The following SYNCRIP variants were observed in gnomAD, a reference collection of about 807,000 sequenced individuals.
SYNCRIP encodes the protein synaptotagmin binding cytoplasmic RNA interacting protein, also known as heterogeneous nuclear ribonucleoprotein Q.
A neutral mutation model predicts 68.9 loss-of-function variants in SYNCRIP; 9 were observed. The observed-to-expected ratio is 0.13, with a 90% CI of 0.08 to 0.23. The LOEUF (loss-of-function observed/expected upper bound fraction) is 0.23. Ranked by LOEUF, SYNCRIP falls within the 10% of genes least tolerant of loss-of-function variation. SYNCRIP has a pLI of 1.00. For missense variants in SYNCRIP, 414 were observed against 770.6 expected (o/e 0.54, Z 5.48); for synonymous variants, 258 against 254.0 (o/e 1.02, Z -0.15).
intron 7 of SYNCRIP, 49 bp downstream of exon 7, chr6:85,623,928 A>T: frequency 6.3e-7 from 1 of 1,598,174 alleles, no homozygotes; most frequent in East Asian, 2.2e-5. Flanking sequence ...ATATGCTATT[A>T]ATCTTCATTA....
In SYNCRIP at chr6:85,632,760, A is replaced by C. The variant is rs567822241; in HGVS notation, c.666+4207T>G. The stretch of plus-strand genomic sequence containing the variant: ...AGTTCAAGACTAGCCTGGACAACAT[A>C]GTGAGACACCACCTCTACAAGTTTA... On this transcript the variant is annotated intron_variant, in intron 6 of 10. Transcript: ENST00000369622. Among the ~76,000 whole-genome samples the C allele has an allele frequency of 2.7e-4, 41 of 152,052 alleles. No individual in the cohort carries two copies. In the South Asian group the frequency reaches 8.5e-3, roughly 32 times the overall value.
At chr6:85,628,184 T>G (rs1361838621) in intron 6 of SYNCRIP, among the ~76,000 whole-genome samples, 6 of 152,108 alleles carry the variant, frequency 3.9e-5, no homozygotes, top group Non-Finnish European at 8.8e-5. Context: ...GCCTCCCTAG[T>G]AGCTGGGACC....
chr6:85,635,836 G>A (rs1363829542), intron 6 of SYNCRIP, among the ~76,000 whole-genome samples: 1 of 150,322 alleles, frequency 6.7e-6, no homozygotes, highest in African/African-American at 2.5e-5. Context: ...TCTCTTTAAG[G>A]CTTGCTTAAA....
At chr6:85,642,189 G>A (rs1249515481) in intron 1 of SYNCRIP, among the ~76,000 whole-genome samples, 1 of 152,076 alleles carries the variant, frequency 6.6e-6, no homozygotes, top group African/African-American at 2.4e-5. Context: ...CACCGGCGGC[G>A]CCAGGCCACA....
At chr6:85,638,508 A>C (rs1181185175) in intron 4 of SYNCRIP, among the ~76,000 whole-genome samples, 1 of 152,162 alleles carries the variant, frequency 6.6e-6, no homozygotes, top group Admixed American at 6.5e-5. Context: ...AAACAAAACC[A>C]ATTTTATTAG....
chr6:85,632,777 A>G (rs1340464717), intron 6 of SYNCRIP, among the ~76,000 whole-genome samples: 2 of 151,868 alleles, frequency 1.3e-5, no homozygotes, highest in African/African-American at 4.9e-5. Flanking sequence ...CACCACCTCT[A>G]CAAGTTTAAA....
intron 6 of SYNCRIP, 43 bp downstream of exon 6, chr6:85,636,924 G>C (rs1808531041): frequency 2.6e-6 from 4 of 1,535,462 alleles, no homozygotes; most frequent in Non-Finnish European, 3.5e-6. Context: ...TGATATTAAA[G>C]ACAGTGAACG....
chr6:85,643,051 CT>C (rs891751225), upstream of SYNCRIP: 2 of 149,528 alleles, frequency 1.3e-5, no homozygotes, highest in African/African-American at 4.9e-5. Flanking sequence ...GCTTCACTCA[CT>C]CCCTCAGCCC....
rs74786196 is a variant in SYNCRIP, at chr6:85,628,271, G to T, written c.667-4159C>A. 9.5e-3 allele frequency among the ~76,000 whole-genome samples: 1,451 copies of T among 152,210 alleles called. 21 individuals are homozygous for T. Among genetic ancestry groups the T allele is most frequent in the Middle Eastern group, 0.065 (19 of 294 alleles). Reference sequence around the variant, plus strand: ...GGGTTTCACCATGTTGGCCAGGCTGGTCTCGAACTCCTGGCCTCGGGTGAT... The same window carrying T: ...GGGTTTCACCATGTTGGCCAGGCTGTTCTCGAACTCCTGGCCTCGGGTGAT... On this transcript the variant is annotated intron_variant, in intron 6 of 10. Coordinates refer to ENST00000369622, the MANE Select transcript of SYNCRIP (RefSeq NM_006372.5).
At position 85,641,353 on chromosome 6, in the gene SYNCRIP, T is replaced by A; in HGVS notation, c.87A>T (p.Thr29=). ...SAVIHSENFQ[T]LLDAGLPQKV... ...TCTGTGGTAAACCAGCATCAAGCAA[T>A]GTCTGAAAATTTTCTGAATGGATAA... Residue 29 remains threonine (T), a synonymous_variant, in exon 2 of 11, where the codon ACA becomes ACT. Coordinates refer to ENST00000369622, the MANE Select transcript of SYNCRIP (RefSeq NM_006372.5). 2 of 1,612,804 alleles carry A rather than the reference T, an allele frequency of 1.2e-6. No individual in the cohort carries two copies. Among genetic ancestry groups the A allele is most frequent in the Non-Finnish European group, 1.7e-6 (2 of 1,179,984 alleles).
chr6:85,613,937 A>G (rs1805486992), downstream of SYNCRIP: 2 of 969,136 alleles, frequency 2.1e-6, no homozygotes, highest in Non-Finnish European at 2.5e-6. Flanking sequence ...CAGTTCATTC[A>G]TCACAATTAA....
In SYNCRIP at chr6:85,614,778, G is replaced by T; in HGVS notation, c.1850C>A (p.Thr617Asn). The T allele has an allele frequency of 6.2e-7, 1 of 1,605,162 alleles. No individual in the cohort carries two copies. The highest frequency in any genetic ancestry group is 8.5e-7 in the Non-Finnish European group (1 of 1,176,170). The change falls in exon 11 of 11, where the codon ACT (threonine) becomes AAT (asparagine). Residue 617 changes from threonine (T) to asparagine (N), a missense_variant. This residue lies in a region of SYNCRIP where 130 missense variants were observed against 149.0 expected (regional missense o/e 0.87). Transcript: ENST00000369622. ...KSENQEFYQDTFGQQWK is the reference protein window; with the variant it reads ...KSENQEFYQDNFGQQWK ...TTTCTACTTCCACTGTTGCCCAAAA[G>T]TATCCTGATAAAACTCCTGGTTTTC...
At chr6:85,638,380 CAAAAAAAAAAAAAAAAA>C (rs71003001) in intron 4 of SYNCRIP, among the ~76,000 whole-genome samples, 2 of 42,850 alleles carry the variant, frequency 4.7e-5, no homozygotes, top group African/African-American at 2.0e-4. Flanking sequence ...GACCCCATCT[CAAAAAAAAAAAAAAAAA>C]AAAAAAAAAA....
intron 9 of SYNCRIP, 78 bp from the exon 10 acceptor site, chr6:85,619,017 A>T: frequency 7.0e-7 from 1 of 1,432,598 alleles, no homozygotes; most frequent in Non-Finnish European, 9.7e-7. Flanking sequence ...AATATCATTT[A>T]TCATTAATGT....
intron 4 of SYNCRIP, among the ~76,000 whole-genome samples, chr6:85,637,935 G>T (rs889463488): frequency 6.6e-6 from 1 of 152,096 alleles, no homozygotes; most frequent in Non-Finnish European, 1.5e-5. Flanking sequence ...AAAAGTAACA[G>T]CCAAAACGAC....
At chr6:85,627,612 G>A (rs1291083702) in intron 6 of SYNCRIP, among the ~76,000 whole-genome samples, 1 of 152,082 alleles carries the variant, frequency 6.6e-6, no homozygotes, top group African/African-American at 2.4e-5. Context: ...ATGTGAATAA[G>A]AGATTCTAAT....
downstream of SYNCRIP, chr6:85,612,813 G>A (rs1805348545): frequency 1.3e-6 from 2 of 1,526,138 alleles, no homozygotes; most frequent in Middle Eastern, 4.3e-4. Flanking sequence ...ACATATTTAA[G>A]GTTGCTTGAT....
At chr6:85,640,196 C>T (rs1256974627) in intron 4 of SYNCRIP, 25 bp downstream of exon 4, 5 of 1,515,714 alleles carry the variant, frequency 3.3e-6, no homozygotes, top group African/African-American at 1.4e-5. Flanking sequence ...GACTTTAAAA[C>T]TAAAGGGAGT....
rs1054242681 is a variant in SYNCRIP at position 85,614,035 on chromosome 6, A to T, written c.*721T>A. ...AACATGAAGTCTGTTGTAAAATAGC[A>T]CTTTAAACCAGAAGCAGAAAACTGC... is the stretch of plus-strand genomic sequence containing the variant. On this transcript the variant is annotated 3_prime_UTR_variant, in exon 11 of 11. Coordinates refer to ENST00000369622, the MANE Select transcript of SYNCRIP (RefSeq NM_006372.5). 9.1e-6 allele frequency: 9 copies of T among 985,548 alleles called. No homozygotes were observed. The highest frequency in any genetic ancestry group is 6.1e-5 in the Admixed American group (1 of 16,268). 61.1% of individuals were successfully genotyped at this position (985,548 alleles called of 1,614,324 possible).
Sources: gnomAD v4.1 joint callset for allele counts (sites outside exome capture counted in the v4.1 genomes callset) on GRCh38, gnomAD v4.1.1 for gene constraint, gnomAD v4.1.1 regional missense constraint, MANE v1.5 for transcripts, NCBI Gene and HGNC (gene_info 2026-07-23, HGNC 2026-07-21) for gene names.